The following IL1RAPL1 variants were observed in gnomAD, a reference collection of about 807,000 sequenced individuals.
IL1RAPL1 encodes interleukin-1 receptor accessory protein-like 1.
Under a neutral mutation model 48.4 loss-of-function variants are expected in IL1RAPL1, and 3 were observed. That is an observed-to-expected ratio of 0.06 (90% CI 0.03 to 0.16). IL1RAPL1 has a LOEUF of 0.16. Ranked by LOEUF, IL1RAPL1 falls within the 10% of genes least tolerant of loss-of-function variation. The pLI is 1.00. For synonymous variants in IL1RAPL1, 185 were observed against 187.7 expected, an observed-to-expected ratio of 0.99 and a Z score of 0.12; for missense variants, 349 against 530.6, an observed-to-expected ratio of 0.66 and a Z score of 3.36.
At chrX:29,933,298 C>T (rs1395739540) in intron 8 of IL1RAPL1, among the ~76,000 whole-genome samples, 1 of 110,947 alleles carries the variant, frequency 9.0e-6, no homozygotes, top group Non-Finnish European at 1.9e-5. Context: ...CAAACCTGCG[C>T]GTTCTGCACA....
At chrX:29,167,853 T>C (rs1929816549) in intron 2 of IL1RAPL1, among the ~76,000 whole-genome samples, 1 of 110,569 alleles carries the variant, frequency 9.0e-6, no homozygotes, top group African/African-American at 3.3e-5. Context: ...GATTATTAGA[T>C]GTAATGGTAC....
intron 6 of IL1RAPL1, among the ~76,000 whole-genome samples, chrX:29,765,518 C>A: frequency 9.0e-6 from 1 of 111,672 alleles, no homozygotes; most frequent in Non-Finnish European, 1.9e-5. Flanking sequence ...GTTTAATACC[C>A]ATTTGGCTAA....
At chrX:29,267,466 C>T (rs1379774283) in intron 2 of IL1RAPL1, among the ~76,000 whole-genome samples, 1 of 111,961 alleles carries the variant, frequency 8.9e-6, no homozygotes, top group African/African-American at 3.2e-5. Flanking sequence ...AAACAACACA[C>T]ATATACACAC....
intron 3 of IL1RAPL1, among the ~76,000 whole-genome samples, chrX:29,346,622 T>G (rs149100003): frequency 0.074 from 8,279 of 112,487 alleles, 437 homozygotes; most frequent in African/African-American, 0.18. Context: ...GTAGGCATCA[T>G]ATACGTATTT....
intron 5 of IL1RAPL1, among the ~76,000 whole-genome samples, chrX:29,505,529 T>C (rs771779686): frequency 6.3e-5 from 7 of 111,610 alleles, no homozygotes; most frequent in African/African-American, 2.3e-4. Context: ...TGTTTTTGAA[T>C]GGCAGTTTTT....
intron 6 of IL1RAPL1, among the ~76,000 whole-genome samples, chrX:29,689,821 A>C (rs1174652505): frequency 8.9e-6 from 1 of 112,227 alleles, no homozygotes; most frequent in African/African-American, 3.2e-5. Context: ...TTTCAATGGA[A>C]TATATCACAA....
intron 2 of IL1RAPL1, among the ~76,000 whole-genome samples, chrX:29,006,707 C>T (rs951796963): frequency 4.1e-5 from 4 of 97,868 alleles, no homozygotes; most frequent in African/African-American, 1.5e-4. Flanking sequence ...TTAAATATTC[C>T]TCAAATTTCC....
intron 6 of IL1RAPL1, among the ~76,000 whole-genome samples, chrX:29,732,642 G>A (rs1425601986): frequency 8.9e-6 from 1 of 112,001 alleles, no homozygotes; most frequent in African/African-American, 3.2e-5. Context: ...CATTCCACTT[G>A]ACTTGTTTCT....
chrX:29,496,283 A>G (rs772159370), intron 5 of IL1RAPL1, among the ~76,000 whole-genome samples: 102 of 110,511 alleles, frequency 9.2e-4, no homozygotes, highest in African/African-American at 3.2e-3. Context: ...TTGCATATTT[A>G]TCCCCATCCA....
chrX:28,978,318 A>C (rs150508674), intron 2 of IL1RAPL1, among the ~76,000 whole-genome samples: 1 of 111,386 alleles, frequency 9.0e-6, no homozygotes, highest in East Asian at 2.9e-4. Flanking sequence ...GAGGCTAGGG[A>C]GCAACTGTTT....
At chrX:29,708,474 A>G (rs184445350) in intron 6 of IL1RAPL1, among the ~76,000 whole-genome samples, 42 of 112,116 alleles carry the variant, frequency 3.7e-4, no homozygotes, top group African/African-American at 1.4e-3. Flanking sequence ...GAGGTCGTAT[A>G]GTATTTGTCT....
intron 5 of IL1RAPL1, among the ~76,000 whole-genome samples, chrX:29,655,148 G>A (rs1310933722): frequency 2.7e-5 from 3 of 111,411 alleles, no homozygotes; most frequent in Admixed American, 9.5e-5. Flanking sequence ...AGTCTGTTCA[G>A]GCAAGCAGAT....
At chrX:28,990,534 C>T (rs910108740) in intron 2 of IL1RAPL1, among the ~76,000 whole-genome samples, 3 of 111,759 alleles carry the variant, frequency 2.7e-5, no homozygotes, top group African/African-American at 9.7e-5. Flanking sequence ...AAGTTTCCTA[C>T]TTAGTTTTTT....
chrX:29,211,589 G>A (rs988601064), intron 2 of IL1RAPL1, among the ~76,000 whole-genome samples: 3 of 111,135 alleles, frequency 2.7e-5, no homozygotes, highest in African/African-American at 9.8e-5. Context: ...TATACTTGAC[G>A]CAGAAACATT....
chrX:29,054,271 A>C (rs1927162538), intron 2 of IL1RAPL1, among the ~76,000 whole-genome samples: 1 of 110,961 alleles, frequency 9.0e-6, no homozygotes, highest in Non-Finnish European at 1.9e-5. Flanking sequence ...GAAGCTTTGA[A>C]ATTGCTATTC....
intron 5 of IL1RAPL1, among the ~76,000 whole-genome samples, chrX:29,430,589 ATATATG>A (rs1366133116): frequency 8.4e-5 from 9 of 107,550 alleles, no homozygotes; most frequent in African/African-American, 2.8e-4. Context: ...GTGTATATAT[ATATATG>A]TGTGTGTGTG....
chrX:29,900,929 G>T (rs1408123413), intron 6 of IL1RAPL1, among the ~76,000 whole-genome samples: 3 of 111,963 alleles, frequency 2.7e-5, no homozygotes, highest in Non-Finnish European at 5.6e-5. Context: ...TGATCAAATT[G>T]AAGTATATTA....
chrX:28,601,290 G>A (rs143843881), intron 1 of IL1RAPL1, among the ~76,000 whole-genome samples: 1,270 of 110,613 alleles, frequency 0.011, 7 homozygotes, highest in Middle Eastern at 0.033. Context: ...GCGTGGTGGC[G>A]CGTGCCTGTA....
At chrX:29,925,410 CTGTTTTTTTTTTTT>C (rs1932878401) in intron 8 of IL1RAPL1, among the ~76,000 whole-genome samples, 1 of 6,066 alleles carries the variant, frequency 1.6e-4, no homozygotes, top group African/African-American at 3.6e-4. Flanking sequence ...TGTCCCGTAA[CTGTTTTTTTTTTTT>C]TTTTTTTTTT....
Sources: allele counts gnomAD v4.1 joint callset (sites outside exome capture counted in the v4.1 genomes callset), GRCh38; gene constraint gnomAD v4.1.1; transcripts MANE v1.5; gene names NCBI Gene and HGNC (gene_info 2026-07-23, HGNC 2026-07-21).